Variants in SECISBP2L observed in about 807,000 individuals in gnomAD.
SECISBP2L encodes the protein SECIS binding protein 2 like, also known as selenocysteine insertion sequence-binding protein 2-like.
A neutral mutation model predicts 114.7 loss-of-function variants in SECISBP2L; 43 were observed. The ratio of observed to expected loss-of-function variants is 0.38; its 90% confidence interval spans 0.29 to 0.48. The LOEUF is 0.48. Among genes scored for constraint, SECISBP2L ranks in the 20% least tolerant of loss-of-function variants. The pLI, the probability that SECISBP2L is intolerant of heterozygous loss-of-function variation, is 0.98. For synonymous variants in SECISBP2L, 451 were observed against 439.7 expected (o/e 1.03, Z -0.32); for missense variants, 1,136 against 1,301.1 (o/e 0.87, Z 1.95).
rs1901989548 is a variant in SECISBP2L at position 48,992,148 on chromosome 15, T to G, written c.*96A>C. 1 of 1,163,704 alleles carries G rather than the reference T, an allele frequency of 8.6e-7. No homozygotes were observed. Among genetic ancestry groups the G allele is most frequent in the South Asian group, 1.7e-5 (1 of 59,976 alleles). 72.1% of individuals were successfully genotyped at this position (1,163,704 alleles called of 1,614,324 possible). A position where few individuals can be genotyped will look rare whatever the true frequency, so the allele number is the denominator to read the frequency against. On this transcript the variant is annotated 3_prime_UTR_variant, in exon 18 of 18. Coordinates refer to ENST00000559471, the MANE Select transcript of SECISBP2L (RefSeq NM_001193489.2). ...ATTTGTTGGGAATTAAATACGTATA[T>G]TAAATACTGGACAGTGCAAAATGTT...
In SECISBP2L at chr15:49,016,583, T is replaced by G. The variant is rs1398566533; in HGVS notation, c.1538A>C (p.Asn513Thr). ...ACCTGTATATGACAGAGGTCTGGTGTTAGTAATTTGCCGTGCTTTCATTGC... is the reference window on the plus strand; with the variant it reads ...ACCTGTATATGACAGAGGTCTGGTGGTAGTAATTTGCCGTGCTTTCATTGC... Reference protein sequence around the residue: ...QQAMKARQITNTRPLSYTVVT... With the variant: ...QQAMKARQITTTRPLSYTVVT... Residue 513 changes from asparagine to threonine, a missense_variant, in exon 11 of 18, where the codon AAC (asparagine) becomes ACC (threonine). This residue lies in a region of SECISBP2L where 684 missense variants were observed against 848.7 expected (regional missense o/e 0.81). Coordinates refer to ENST00000559471, the MANE Select transcript of SECISBP2L (RefSeq NM_001193489.2). 3 of 1,610,774 alleles carry G rather than the reference T, an allele frequency of 1.9e-6. No homozygotes were observed. Among genetic ancestry groups the G allele is most frequent in the East Asian group, 4.5e-5 (2 of 44,792 alleles).
chr15:49,000,654 C>G (rs1366775798), intron 15 of SECISBP2L, among the ~76,000 whole-genome samples: 1 of 152,232 alleles, frequency 6.6e-6, no homozygotes, highest in African/African-American at 2.4e-5. Context: ...GTGGGCCAAA[C>G]TGAAATCTTC....
chr15:49,044,897 C>T (rs192223262), intron 1 of SECISBP2L, among the ~76,000 whole-genome samples: 6 of 152,274 alleles, frequency 3.9e-5, no homozygotes, highest in African/African-American at 1.4e-4. Context: ...AGTGAAGGAA[C>T]AAAATGTTGA....
intron 14 of SECISBP2L, among the ~76,000 whole-genome samples, chr15:49,006,163 C>G (rs1005961966): frequency 4.6e-5 from 7 of 152,190 alleles, no homozygotes; most frequent in African/African-American, 1.7e-4. Context: ...CGACCTTTCT[C>G]TCTGGCTGCC....
intron 7 of SECISBP2L, among the ~76,000 whole-genome samples, chr15:49,021,399 T>C (rs1204688209): frequency 6.6e-6 from 1 of 152,256 alleles, no homozygotes; most frequent in Admixed American, 6.5e-5. Context: ...TTAAGCATTC[T>C]AAGACTCTTA....
At position 48,990,571 on chromosome 15, in the gene SECISBP2L, T is replaced by C. The variant is rs1901952798; in HGVS notation, c.*1673A>G. ...GATTGACTAACATTTTCTACACAGC[T>C]CCTGAACTTTCACAATTCACAAATA... is the stretch of plus-strand genomic sequence containing the variant. On this transcript the variant is annotated 3_prime_UTR_variant, in exon 18 of 18. Transcript: ENST00000559471. The C allele has an allele frequency of 6.6e-6, 1 of 152,578 alleles. No homozygotes were observed. The highest frequency in any genetic ancestry group is 1.5e-5 in the Non-Finnish European group (1 of 68,026). 9.5% of individuals were successfully genotyped at this position (152,578 alleles called of 1,614,324 possible). A position where few individuals can be genotyped will look rare whatever the true frequency, so the allele number is the denominator to read the frequency against.
Position 49,037,786 on chromosome 15 carries a change from G to C in SECISBP2L, c.25-17C>G, listed in dbSNP as rs1163698773. 1 of 1,578,038 alleles carries C rather than the reference G, an allele frequency of 6.3e-7. No individual in the cohort carries two copies. The highest frequency in any genetic ancestry group is 1.2e-5 in the South Asian group (1 of 85,028). ...CTTGACATTCTTCAAAGAGAAAGTA[G>C]AATACATTAATAACAAATGAGCAAG... On this transcript the variant is annotated splice_polypyrimidine_tract_variant and intron_variant, in intron 1 of 17. Coordinates refer to ENST00000559471, the MANE Select transcript of SECISBP2L (RefSeq NM_001193489.2).
chr15:49,012,854 G>A, intron 11 of SECISBP2L, 37 bp from the exon 12 acceptor site: 1 of 1,573,614 alleles, frequency 6.4e-7, no homozygotes, highest in Non-Finnish European at 8.6e-7. Flanking sequence ...CACCATTAGG[G>A]CCAATCCCAC....
chr15:49,017,558 G>C lies in SECISBP2L; in HGVS notation c.1241C>G (p.Ser414Cys). The C allele has an allele frequency of 6.3e-7, 1 of 1,597,912 alleles. No homozygotes were observed. Among genetic ancestry groups the C allele is most frequent in the Non-Finnish European group, 8.5e-7 (1 of 1,170,266 alleles). Residue 414 changes from serine to cysteine, a missense_variant, in exon 9 of 18, where the codon TCT becomes TGT. This residue lies in a region of SECISBP2L where 684 missense variants were observed against 848.7 expected (regional missense o/e 0.81). Coordinates refer to ENST00000559471, the MANE Select transcript of SECISBP2L (RefSeq NM_001193489.2). ...TAAAGAGTTACTTACTACTTTAGAA[G>C]AAAGTTTTTGTTGAATATTCTCATC... Reference protein sequence around the residue: ...AKDENIQQKLSSKVLDDLPEN... With the variant: ...AKDENIQQKLCSKVLDDLPEN...
intron 3 of SECISBP2L, among the ~76,000 whole-genome samples, chr15:49,034,589 T>C (rs1375752903): frequency 6.6e-6 from 1 of 151,954 alleles, no homozygotes; most frequent in Non-Finnish European, 1.5e-5. Context: ...AACAATAAAG[T>C]TGAAGCGATC....
intron 16 of SECISBP2L, among the ~76,000 whole-genome samples, chr15:48,998,751 G>A (rs1461473407): frequency 6.6e-6 from 1 of 152,024 alleles, no homozygotes; most frequent in South Asian, 2.1e-4. Flanking sequence ...ATACCAAGCT[G>A]GTCTGGAACT....
At chr15:49,038,288 C>G (rs1489811552) in intron 1 of SECISBP2L, among the ~76,000 whole-genome samples, 1 of 151,984 alleles carries the variant, frequency 6.6e-6, no homozygotes, top group African/African-American at 2.4e-5. Context: ...AAGAAAAAAT[C>G]TGCACAGTTA....
intron 11 of SECISBP2L, among the ~76,000 whole-genome samples, chr15:49,014,930 T>C (rs1655851908): frequency 6.6e-6 from 1 of 151,184 alleles, no homozygotes; most frequent in Non-Finnish European, 1.5e-5. Flanking sequence ...AACATATATA[T>C]TAACAGTTGC....
At position 49,046,279 on chromosome 15, in the gene SECISBP2L, C is replaced by T. The variant is rs745387123; in HGVS notation, c.21G>A (p.Glu7=). The T allele has an allele frequency of 8.3e-6, 13 of 1,562,520 alleles. No homozygotes were observed. Among genetic ancestry groups the T allele is most frequent in the Non-Finnish European group, 1.1e-5 (13 of 1,156,224 alleles). The part of the protein sequence containing the change: MDRAPT[E]QNVKLSAEVE... The stretch of plus-strand genomic sequence containing the variant: ...GGCCCAGCCCAAACCCGCGTACCTG[C>T]TCCGTGGGGGCTCGGTCCATGGTGC... Residue 7 remains glutamate (E), a synonymous_variant, in exon 1 of 18, where the codon GAG becomes GAA. Transcript: ENST00000559471.
intron 11 of SECISBP2L, among the ~76,000 whole-genome samples, chr15:49,013,881 C>T (rs1902487828): frequency 6.6e-6 from 1 of 152,086 alleles, no homozygotes; most frequent in African/African-American, 2.4e-5. Flanking sequence ...CGAGTTCCTC[C>T]CTGACCCTTG....
At chr15:49,035,290 T>A in intron 3 of SECISBP2L, 44 bp downstream of exon 3, 7 of 1,554,340 alleles carry the variant, frequency 4.5e-6, no homozygotes, top group Non-Finnish European at 6.1e-6. Flanking sequence ...TATACTAATA[T>A]AAGTAATATC....
intron 7 of SECISBP2L, 158 bp from the exon 8 acceptor site, chr15:49,019,710 T>G (rs1266843060): frequency 5.7e-6 from 3 of 523,242 alleles, no homozygotes; most frequent in Non-Finnish European, 8.8e-6. Flanking sequence ...TTCTGACAAG[T>G]AAGGTACTTA....
intron 3 of SECISBP2L, among the ~76,000 whole-genome samples, chr15:49,034,596 G>C (rs545964977): frequency 2.7e-5 from 4 of 150,858 alleles, no homozygotes; most frequent in African/African-American, 9.7e-5. Context: ...AAGTTGAAGC[G>C]ATCTAATGAA....
chr15:49,000,974 T>A lies in SECISBP2L; in HGVS notation c.2151A>T (p.Arg717=). Residue 717 remains arginine (R), a synonymous_variant, in exon 15 of 18, where the codon CGA becomes CGT. Coordinates refer to ENST00000559471, the MANE Select transcript of SECISBP2L (RefSeq NM_001193489.2). ...KDPVRAKARR[R]LVMGLREVTK... is the part of the protein sequence containing the mutation. ...TAACTTCTCTTAGACCCATAACGAG[T>A]CGTCTCCTTGCTTTTGCTCTTACAG... is the stretch of plus-strand genomic sequence containing the variant. 1 of 1,613,874 alleles carries A rather than the reference T, an allele frequency of 6.2e-7. No homozygotes were observed. The highest frequency in any genetic ancestry group is 8.5e-7 in the Non-Finnish European group (1 of 1,179,908).
Sources: gnomAD v4.1 joint callset for allele counts (sites outside exome capture counted in the v4.1 genomes callset) on GRCh38, gnomAD v4.1.1 for gene constraint, gnomAD v4.1.1 regional missense constraint, MANE v1.5 for transcripts, NCBI Gene and HGNC (gene_info 2026-07-23, HGNC 2026-07-21) for gene names.